Variants in KIF26B observed in about 807,000 individuals in gnomAD.
KIF26B encodes the protein kinesin-like protein KIF26B.
A neutral mutation model predicts 151.2 loss-of-function variants in KIF26B; 63 were observed. The ratio of observed to expected loss-of-function variants is 0.42; its 90% CI spans 0.34 to 0.51. The LOEUF (loss-of-function observed/expected upper bound fraction) is 0.51, where lower values mean the gene tolerates loss of function less well. KIF26B is among the 20% of genes least tolerant of loss of function. The probability of loss-of-function intolerance (pLI) is 0.07; values close to 1 mark genes in which losing one functional copy is unlikely to be tolerated. For missense variants in KIF26B, 2,813 were observed against 2,913.6 expected, an observed-to-expected ratio of 0.97 and a Z score of 0.79; for synonymous variants, 1,357 against 1,262.1, an observed-to-expected ratio of 1.08 and a Z score of -1.59.
chr1:245,156,518 G>A lies in KIF26B; in HGVS notation c.300G>A (p.Leu100=), dbSNP rs1369525834. 2.0e-6 allele frequency: 3 copies of A among 1,532,672 alleles called. No individual in the cohort carries two copies. The highest frequency in any genetic ancestry group is 2.6e-6 in the Non-Finnish European group (3 of 1,144,560). 94.9% of individuals were successfully genotyped at this position (1,532,672 alleles called of 1,614,324 possible). A position where few individuals can be genotyped will look rare whatever the true frequency, so the allele number is the denominator to read the frequency against. Reference sequence around the variant, plus strand: ...TCGGCACTAGTTCGCCGGGCTCCTTGGGCGGCTCTCCGGGCTTCGGCACAG... The same window carrying A: ...TCGGCACTAGTTCGCCGGGCTCCTTAGGCGGCTCTCCGGGCTTCGGCACAG... ...PGIGTSSPGS[L]GGSPGFGTGS... is the part of the protein sequence containing the mutation. Residue 100 remains leucine (L), a synonymous_variant, in exon 2 of 15, where the codon TTG becomes TTA. Coordinates refer to ENST00000407071, the MANE Select transcript of KIF26B (RefSeq NM_018012.4).
intron 5 of KIF26B, among the ~76,000 whole-genome samples, chr1:245,581,186 T>C (rs2103129512): frequency 6.6e-6 from 1 of 152,326 alleles, no homozygotes; most frequent in East Asian, 1.9e-4. Flanking sequence ...TTTGGTCCTT[T>C]GAGTAACATT....
At position 245,288,111 on chromosome 1, in the gene KIF26B, G is replaced by A. The variant is rs917357942; in HGVS notation, c.466-78723G>A. 5.3e-5 allele frequency among the ~76,000 whole-genome samples: 8 copies of A among 151,586 alleles called. No individual in the cohort carries two copies. In the East Asian group the frequency reaches 5.8e-4, roughly 11 times the overall value. ...CATCTCTTCATCCCACTCTACTTTC[G>A]GAGCGAGCATTATTCCTGGAAGAAC... On this transcript the variant is annotated intron_variant, in intron 2 of 14. Transcript: ENST00000407071.
At chr1:245,270,759 A>C (rs1367970584) in intron 2 of KIF26B, among the ~76,000 whole-genome samples, 1 of 152,160 alleles carries the variant, frequency 6.6e-6, no homozygotes, top group African/African-American at 2.4e-5. Flanking sequence ...TTTGCTATTC[A>C]GAAGGTTTTT....
chr1:245,388,550 T>G (rs1673608341), intron 3 of KIF26B, among the ~76,000 whole-genome samples: 1 of 152,186 alleles, frequency 6.6e-6, no homozygotes, highest in Non-Finnish European at 1.5e-5. Flanking sequence ...ATTTTCCCCA[T>G]AAACAGGAGT....
chr1:245,631,238 A>G (rs1420035572), intron 9 of KIF26B, among the ~76,000 whole-genome samples: 1 of 152,022 alleles, frequency 6.6e-6, no homozygotes, highest in African/African-American at 2.4e-5. Flanking sequence ...GCTTTTCCCC[A>G]CTTATTATGA....
At chr1:245,661,091 A>G (rs1216933810) in intron 10 of KIF26B, among the ~76,000 whole-genome samples, 1 of 149,570 alleles carries the variant, frequency 6.7e-6, no homozygotes, top group Non-Finnish European at 1.5e-5. Flanking sequence ...GGTTCAAGTG[A>G]TTCTCCTGCC....
chr1:245,412,839 A>G (rs929088404), intron 3 of KIF26B, among the ~76,000 whole-genome samples: 3 of 152,212 alleles, frequency 2.0e-5, no homozygotes, highest in Admixed American at 6.5e-5. Flanking sequence ...CTGCTCGTTA[A>G]TGGTGCACGG....
chr1:245,201,764 CG>C (rs1454136533), intron 2 of KIF26B, among the ~76,000 whole-genome samples: 1 of 151,926 alleles, frequency 6.6e-6, no homozygotes, highest in African/African-American at 2.4e-5. Flanking sequence ...GGCGTGGGGG[CG>C]GGGGGAAGGG....
chr1:245,283,791 G>A (rs1307443508), intron 2 of KIF26B, among the ~76,000 whole-genome samples: 1 of 150,906 alleles, frequency 6.6e-6, no homozygotes, highest in Non-Finnish European at 1.5e-5. Flanking sequence ...GGGTTCAAGC[G>A]ATTCTCCTGC....
At chr1:245,364,662 C>T (rs1475584443) in intron 2 of KIF26B, among the ~76,000 whole-genome samples, 1 of 151,990 alleles carries the variant, frequency 6.6e-6, no homozygotes, top group Non-Finnish European at 1.5e-5. Flanking sequence ...CCTTGTGATC[C>T]GCCTGCCTCG....
chr1:245,698,271 T>G lies in KIF26B; in HGVS notation c.5990T>G (p.Val1997Gly). The G allele has an allele frequency of 6.2e-7, 1 of 1,613,678 alleles. No individual in the cohort carries two copies. The highest frequency in any genetic ancestry group is 8.5e-7 in the Non-Finnish European group (1 of 1,179,766). ...ATTAAAGTCTATGAAATCGATGACG[T>G]GGAGCGCCTGCAGCGGCGACGAGGG... ...FEIKVYEIDDVERLQRRRGGA... is the reference protein window; with the variant it reads ...FEIKVYEIDDGERLQRRRGGA... The change falls in exon 13 of 15, where the codon GTG becomes GGG. Residue 1997 changes from valine (V) to glycine (G), a missense_variant. Transcript: ENST00000407071. This position sits in a 1 kb window ranked among gnomAD's most constrained non-coding sequence, Gnocchi z 4.0.
intron 10 of KIF26B, among the ~76,000 whole-genome samples, chr1:245,650,911 C>T (rs768093295): frequency 2.0e-5 from 3 of 152,172 alleles, no homozygotes; most frequent in Non-Finnish European, 2.9e-5. Flanking sequence ...CTCCCTCTCA[C>T]GGGTTTGGTC....
Position 245,245,967 on chromosome 1 carries a change from T to C in KIF26B, c.465+89284T>C, listed in dbSNP as rs1336470849. On this transcript the variant is annotated intron_variant, in intron 2 of 14. Transcript: ENST00000407071. ...ATTAGCCAGGCATGATGGCAGATGC[T>C]TGTAGTCCCAGCTACTCAGGAGGCT... 2.0e-5 allele frequency among the ~76,000 whole-genome samples: 3 copies of C among 149,138 alleles called. No homozygotes were observed. In the South Asian group the frequency reaches 6.4e-4, roughly 32 times the overall value.
intron 5 of KIF26B, 78 bp downstream of exon 5, chr1:245,541,028 C>A: frequency 1.7e-6 from 2 of 1,178,024 alleles, no homozygotes; most frequent in Non-Finnish European, 2.4e-6. Flanking sequence ...GAAAATGAGG[C>A]CTCCAATGTA....
chr1:245,622,206 T>C (rs10754459), intron 9 of KIF26B, among the ~76,000 whole-genome samples: 34,161 of 152,220 alleles, frequency 0.22, 4,033 homozygotes, highest in East Asian at 0.38. Context: ...TGACACATTA[T>C]ATCTTCCCCT....
At chr1:245,638,345 A>T (rs1339613892) in intron 9 of KIF26B, among the ~76,000 whole-genome samples, 1 of 151,914 alleles carries the variant, frequency 6.6e-6, no homozygotes, top group Non-Finnish European at 1.5e-5. Context: ...CTGCAACTTT[A>T]TTAAACTCAT....
chr1:245,589,100 C>T (rs974684627), intron 5 of KIF26B, among the ~76,000 whole-genome samples: 5 of 152,172 alleles, frequency 3.3e-5, no homozygotes, highest in African/African-American at 1.2e-4. Flanking sequence ...TACCTAACAT[C>T]CTACATTTTA....
At chr1:245,470,814 G>T (rs12068583) in intron 4 of KIF26B, among the ~76,000 whole-genome samples, 14,914 of 152,000 alleles carry the variant, frequency 0.098, 786 homozygotes, top group South Asian at 0.13. Context: ...CTGCCTATTC[G>T]TGCATAATTT....
chr1:245,549,301 G>A (rs1661825038), intron 5 of KIF26B, among the ~76,000 whole-genome samples: 1 of 152,070 alleles, frequency 6.6e-6, no homozygotes, highest in Non-Finnish European at 1.5e-5. Flanking sequence ...ATAAAATGAG[G>A]GAATTCTCTC....
Sources: gnomAD v4.1 joint callset for allele counts (sites outside exome capture counted in the v4.1 genomes callset) on GRCh38, gnomAD v4.1.1 for gene constraint, Gnocchi (gnomAD v3.1) non-coding constraint, MANE v1.5 for transcripts, NCBI Gene and HGNC (gene_info 2026-07-23, HGNC 2026-07-21) for gene names.